Variants in PTMA observed in about 807,000 individuals in gnomAD.
PTMA encodes gene sequence 28.
In PTMA, 4 loss-of-function variants were observed where a neutral mutation model predicts 16.9. The observed-to-expected ratio is 0.24, with a 90% confidence interval of 0.12 to 0.54. PTMA has a LOEUF of 0.54. Ranked by LOEUF, PTMA falls within the 20% of genes least tolerant of loss-of-function variation. The probability of loss-of-function intolerance (pLI) is 0.95; values close to 1 mark genes in which losing one functional copy is unlikely to be tolerated. For missense variants in PTMA, 120 were observed against 137.7 expected, an observed-to-expected ratio of 0.87 and a Z score of 0.64; for synonymous variants, 58 against 47.9, an observed-to-expected ratio of 1.21 and a Z score of -0.87.
rs115569255 is a variant in PTMA, at chr2:231,710,600, C to G, written c.46-748C>G. On this transcript the variant is annotated intron_variant, in intron 1 of 4. Transcript: ENST00000409115. ...CCGGACCTCTGTTGGTATTGGTGGCCGTGTCGTGTGGAAAAAGTTACCGGG... is the reference window on the plus strand; with the variant it reads ...CCGGACCTCTGTTGGTATTGGTGGCGGTGTCGTGTGGAAAAAGTTACCGGG... 407 of 495,342 alleles carry G rather than the reference C, an allele frequency of 8.2e-4. 2 individuals carry two copies. Among genetic ancestry groups the G allele is most frequent in the African/African-American group, 7.7e-3 (373 of 48,224 alleles). The allele number at this position is 495,342 out of a possible 1,614,324, so 30.7% of individuals were successfully genotyped here. A position where few individuals can be genotyped will look rare whatever the true frequency, so the allele number is the denominator to read the frequency against.
At chr2:231,709,361 C>T (rs2048485837) in intron 1 of PTMA, among the ~76,000 whole-genome samples, 1 of 152,098 alleles carries the variant, frequency 6.6e-6, no homozygotes, top group Non-Finnish European at 1.5e-5. Context: ...GGCTTATCCG[C>T]TTTGGGCGCT....
chr2:231,708,564 C>T lies in PTMA; in HGVS notation c.-143C>T, dbSNP rs571641218. 7.3e-5 allele frequency: 68 copies of T among 936,052 alleles called. No individual in the cohort carries two copies. The highest frequency in any genetic ancestry group is 8.9e-5 in the Non-Finnish European group (53 of 594,186). The allele number at this position is 936,052 out of a possible 1,614,324, so 58.0% of individuals were successfully genotyped here. A position where few individuals can be genotyped will look rare whatever the true frequency, so the allele number is the denominator to read the frequency against. The stretch of plus-strand genomic sequence containing the variant: ...TCTGAAAAGCCATCTTTGCATTGTT[C>T]CTCATCCGCCTCCTTGCTCGCCGCA... On this transcript the variant is annotated 5_prime_UTR_variant, in exon 1 of 5. Transcript: ENST00000409115.
chr2:231,709,914 G>A (rs1307121492), intron 1 of PTMA: 2 of 432,042 alleles, frequency 4.6e-6, no homozygotes, highest in East Asian at 4.3e-5. Context: ...TCCCAGGGGC[G>A]ACTTCTTGGC....
intron 1 of PTMA, among the ~76,000 whole-genome samples, chr2:231,710,969 G>A (rs1181402718): frequency 1.3e-5 from 2 of 152,260 alleles, no homozygotes; most frequent in Non-Finnish European, 2.9e-5. Context: ...CGGCTCGAGG[G>A]GCGGGCTCTT....
At position 231,712,500 on chromosome 2, in the gene PTMA, C is replaced by T. The variant is rs1182300025; in HGVS notation, c.269C>T (p.Ala90Val). ...GCTGAGTCAGCTACGGGCAAGCGGG[C>T]AGCTGAAGATGATGAGGTGGGTTCT... ...EEAESATGKR[A>V]AEDDEDDDVD... is the part of the protein sequence containing the mutation. Residue 90 changes from alanine to valine, a missense_variant, in exon 4 of 5, where the codon GCA (alanine) becomes GTA (valine). Transcript: ENST00000409115. The T allele has an allele frequency of 6.2e-7, 1 of 1,614,124 alleles. No individual in the cohort carries two copies. The highest frequency in any genetic ancestry group is 1.1e-5 in the South Asian group (1 of 91,086).
rs369301006 is a variant in PTMA, at chr2:231,711,931, C to A, written c.159C>A (p.Asp53Glu). The A allele has an allele frequency of 1.1e-5, 18 of 1,604,158 alleles. No homozygotes were observed. In the African/African-American group the frequency reaches 2.1e-4, roughly 19 times the overall value. ...NGEQEADNEV[D>E]EEEEEGGEEE... is the part of the protein sequence containing the mutation. ...AGCAGGAGGCTGACAATGAGGTAGA[C>A]GAAGAAGAGGAAGAAGGTGGGGAGG... is the stretch of plus-strand genomic sequence containing the variant. Residue 53 changes from aspartate (D) to glutamate (E), a missense_variant, in exon 3 of 5, where the codon GAC (aspartate) becomes GAA (glutamate). By Grantham distance (45) the Asp-to-Glu change is conservative (BLOSUM62 2). Transcript: ENST00000409115.
chr2:231,709,290 A>G lies in PTMA; in HGVS notation c.45+539A>G, dbSNP rs561062428. Among the ~76,000 whole-genome samples the G allele has an allele frequency of 1.9e-4, 29 of 151,704 alleles. 1 individual carries two copies. In the East Asian group the frequency reaches 4.7e-3, roughly 25 times the overall value. ...GGTTTGTCTAGACTAAGTCCCGATA[A>G]GGCGGATGGGGCGACGGGCTGGCTG... On this transcript the variant is annotated intron_variant, in intron 1 of 4. Coordinates refer to ENST00000409115, the MANE Select transcript of PTMA (RefSeq NM_002823.5).
In PTMA at chr2:231,711,327, GT is replaced by G; in HGVS notation, c.46-19del. Reference sequence around the variant, plus strand: ...TGCTCAGAAGACTTACTGGTTACTGGTTCCTTCTTCCCTTTTGAAGGACTTA... The same window carrying G: ...TGCTCAGAAGACTTACTGGTTACTGGTCCTTCTTCCCTTTTGAAGGACTTA... On this transcript the variant is annotated intron_variant, in intron 1 of 4. Coordinates refer to ENST00000409115, the MANE Select transcript of PTMA (RefSeq NM_002823.5). 1.2e-6 allele frequency: 2 copies of G among 1,608,754 alleles called. No individual in the cohort carries two copies. The highest frequency in any genetic ancestry group is 1.7e-6 in the Non-Finnish European group (2 of 1,175,220).
chr2:231,708,759 T>C lies in PTMA; in HGVS notation c.45+8T>C, dbSNP rs181168299. 0.017 allele frequency: 28,003 copies of C among 1,601,868 alleles called. 349 individuals are homozygous for C. Among genetic ancestry groups the C allele is most frequent in the Non-Finnish European group, 0.02 (23,881 of 1,179,210 alleles). ...TCCGAAATCACCACCAAGGTGAGGC[T>C]GGACGCCGCCCGCCCCCTCGGGGTC... On this transcript the variant is annotated splice_region_variant and intron_variant, in intron 1 of 4. Coordinates refer to ENST00000409115, the MANE Select transcript of PTMA (RefSeq NM_002823.5).
At chr2:231,708,839 C>G (rs529488488) in intron 1 of PTMA, 88 bp downstream of exon 1, 1 of 1,464,416 alleles carries the variant, frequency 6.8e-7, no homozygotes, top group African/African-American at 1.4e-5. Flanking sequence ...TGTCTCAAGC[C>G]CGCTGTTGCT....
chr2:231,711,283 G>A (rs1166396219), intron 1 of PTMA, 65 bp from the exon 2 acceptor site: 38 of 1,359,614 alleles, frequency 2.8e-5, no homozygotes, highest in Non-Finnish European at 1.5e-5. Context: ...AGTTCTCAGC[G>A]CCTTTGCTTA....
At chr2:231,712,776 G>A in intron 4 of PTMA, 28 bp from the exon 5 acceptor site, 1 of 1,582,854 alleles carries the variant, frequency 6.3e-7, no homozygotes, top group Non-Finnish European at 8.6e-7. Context: ...GGGGTTGGAG[G>A]GGCCTTTGAC....
intron 1 of PTMA, among the ~76,000 whole-genome samples, chr2:231,710,942 C>G (rs116282784): frequency 8.5e-5 from 13 of 152,362 alleles, no homozygotes; most frequent in Non-Finnish European, 1.5e-4. Context: ...TGGAACATAA[C>G]CTGCCGCCTT....
chr2:231,711,538 G>T, intron 2 of PTMA, 119 bp downstream of exon 2: 1 of 950,364 alleles, frequency 1.1e-6, no homozygotes, highest in South Asian at 1.5e-5. Context: ...TTTGCACAGT[G>T]GCAGTATCGT....
chr2:231,709,069 C>T (rs1018861689), intron 1 of PTMA, among the ~76,000 whole-genome samples: 1 of 152,148 alleles, frequency 6.6e-6, no homozygotes, highest in Admixed American at 6.5e-5. Context: ...AGGAGAAGAG[C>T]CTGGCTGGGG....
intron 4 of PTMA, 79 bp downstream of exon 4, chr2:231,712,595 G>A (rs2048532717): frequency 6.7e-6 from 10 of 1,482,470 alleles, no homozygotes; most frequent in African/African-American, 1.4e-5. Context: ...CTCAAGCTGC[G>A]GAGGGACTGT....
chr2:231,712,370 A>G (rs2048529664), intron 3 of PTMA, 73 bp from the exon 4 acceptor site: 4 of 1,495,564 alleles, frequency 2.7e-6, no homozygotes, highest in Non-Finnish European at 3.7e-6. Context: ...AGTCCACTAC[A>G]TGTTCCTCGG....
intron 1 of PTMA, chr2:231,710,280 C>T (rs764116489): frequency 1.5e-5 from 20 of 1,297,116 alleles, no homozygotes; most frequent in South Asian, 1.5e-4. Flanking sequence ...CAAGCTCTGC[C>T]TGCCGGCCGG....
At chr2:231,710,658 G>T in intron 1 of PTMA, 1 of 441,690 alleles carries the variant, frequency 2.3e-6, no homozygotes, top group African/African-American at 2.1e-5. Context: ...TGGATCCCGG[G>T]CGGAGTCCCA....
Sources: allele counts gnomAD v4.1 joint callset (sites outside exome capture counted in the v4.1 genomes callset), GRCh38; gene constraint gnomAD v4.1.1; transcripts MANE v1.5; gene names NCBI Gene and HGNC (gene_info 2026-07-23, HGNC 2026-07-21).